The following RAP1GAP variants were observed in gnomAD, a reference collection of about 807,000 sequenced individuals.
RAP1GAP encodes the protein RAP1 GTPase activating protein.
Under a neutral mutation model 87.2 loss-of-function variants are expected in RAP1GAP, and 35 were observed. The ratio of observed to expected loss-of-function variants is 0.40; its 90% CI spans 0.31 to 0.53. The LOEUF (loss-of-function observed/expected upper bound fraction) is 0.53, where lower values mean the gene tolerates loss of function less well. Among genes scored for constraint, RAP1GAP ranks in the 20% least tolerant of loss-of-function variants. The probability of loss-of-function intolerance (pLI) is 0.48; values close to 1 mark genes in which losing one functional copy is unlikely to be tolerated. For missense variants in RAP1GAP, 734 were observed against 898.9 expected (o/e 0.82, Z 2.35); for synonymous variants, 375 against 363.9 (o/e 1.03, Z -0.35).
intron 2 of RAP1GAP, among the ~76,000 whole-genome samples, chr1:21,628,309 T>C (rs2092856738): frequency 6.7e-6 from 1 of 149,418 alleles, no homozygotes; most frequent in Non-Finnish European, 1.5e-5. Context: ...TCCCAGCACT[T>C]TGGGAGGCCA....
chr1:21,646,260 T>C (rs771085268), intron 2 of RAP1GAP, among the ~76,000 whole-genome samples: 2 of 152,172 alleles, frequency 1.3e-5, no homozygotes, highest in Non-Finnish European at 1.5e-5. Context: ...GCAGGACACA[T>C]GGACTGAGCA....
chr1:21,626,908 A>G, intron 2 of RAP1GAP: 1 of 456,806 alleles, frequency 2.2e-6, no homozygotes, highest in Non-Finnish European at 4.4e-6. Context: ...GCCCGAGGGC[A>G]TGGCCTCCTC....
chr1:21,615,557 AATTTTTGT>A lies in RAP1GAP; in HGVS notation c.292-1476_292-1469del, dbSNP rs1391587260. ...CAGGCGCCCAGCACCACACCTGGCT[AATTTTTGT>A]ATTTTTGTTAGAGATGGGGTTCTGC... On this transcript the variant is annotated intron_variant, in intron 7 of 24. Transcript: ENST00000374765. The surrounding 1 kb of genome is among the most constrained non-coding windows in gnomAD (Gnocchi z 4.5). Among the ~76,000 whole-genome samples, 15 of 151,986 alleles carry A rather than the reference AATTTTTGT, an allele frequency of 9.9e-5. No individual in the cohort carries two copies. Among genetic ancestry groups the A allele is most frequent in the Admixed American group, 9.8e-4 (15 of 15,250 alleles).
chr1:21,629,613 G>C (rs924945243), intron 2 of RAP1GAP, among the ~76,000 whole-genome samples: 1 of 152,180 alleles, frequency 6.6e-6, no homozygotes, highest in Admixed American at 6.5e-5. Flanking sequence ...CTCCAGGATG[G>C]GGACAGAGAA....
At chr1:21,655,042 A>C (rs1025535479) in intron 1 of RAP1GAP, among the ~76,000 whole-genome samples, 9 of 151,696 alleles carry the variant, frequency 5.9e-5, no homozygotes, top group African/African-American at 2.2e-4. Context: ...TGGGAGGCTG[A>C]GACAGGAGAA....
In RAP1GAP at chr1:21,608,128, T is replaced by C. The variant is rs930957157; in HGVS notation, c.1296+85A>G. On this transcript the variant is annotated intron_variant, in intron 17 of 24. Coordinates refer to ENST00000374765, the MANE Select transcript of RAP1GAP (RefSeq NM_002885.4). Reference sequence around the variant, plus strand: ...TCTGCCAGACTCCACCCCCACGCCGTGTCCATCAGTCTATCAGCCTCAGCC... The same window carrying C: ...TCTGCCAGACTCCACCCCCACGCCGCGTCCATCAGTCTATCAGCCTCAGCC... 1.1e-5 allele frequency: 17 copies of C among 1,517,330 alleles called. No individual in the cohort carries two copies. In the African/African-American group the frequency reaches 2.4e-4, roughly 21 times the overall value. The allele number at this position is 1,517,330 out of a possible 1,614,324, so 94.0% of individuals were successfully genotyped here.
Position 21,622,296 on chromosome 1 carries a change from GC to G in RAP1GAP, c.-18-2247del. The G allele has an allele frequency of 4.0e-6, 2 of 498,198 alleles. No individual in the cohort carries two copies. 30.9% of individuals were successfully genotyped at this position (498,198 alleles called of 1,614,324 possible). A position where few individuals can be genotyped will look rare whatever the true frequency, so the allele number is the denominator to read the frequency against. ...GCTCCCCAGCAGTCGGGGTGACCCA[GC>G]CCCGGGGTCCCTCCGCCATGCCGCC... On this transcript the variant is annotated intron_variant, in intron 3 of 24. Transcript: ENST00000374765. The surrounding 1 kb of genome is among the most constrained non-coding windows in gnomAD (Gnocchi z 5.7).
intron 16 of RAP1GAP, among the ~76,000 whole-genome samples, 185 bp downstream of exon 16, chr1:21,608,665 G>T (rs1277166784): frequency 6.6e-6 from 1 of 151,088 alleles, no homozygotes; most frequent in Non-Finnish European, 1.5e-5. Flanking sequence ...CATCTCCTGG[G>T]AACTCCTCAG....
intron 2 of RAP1GAP, among the ~76,000 whole-genome samples, chr1:21,648,578 C>A (rs2096287603): frequency 6.6e-6 from 1 of 152,094 alleles, no homozygotes; most frequent in Non-Finnish European, 1.5e-5. Context: ...GCGTCTACTA[C>A]AGTACCCAGT....
intron 17 of RAP1GAP, 33 bp downstream of exon 17, chr1:21,608,161 CCGCCCTAGCCACGTCCCTG>C: frequency 1.3e-6 from 2 of 1,595,942 alleles, no homozygotes; most frequent in Admixed American, 3.4e-5. Context: ...GCCCGGGATT[CCGCCCTAGCCACGTCCCTG>C]CTCCCCGGCC....
At chr1:21,647,930 A>G (rs1413930869) in intron 2 of RAP1GAP, among the ~76,000 whole-genome samples, 1 of 152,194 alleles carries the variant, frequency 6.6e-6, no homozygotes, top group Admixed American at 6.5e-5. Flanking sequence ...TTGATCAGAA[A>G]CACAGAGCAC....
rs1373190406 is a variant in RAP1GAP, at chr1:21,599,603, G to A, written c.1667C>T (p.Ala556Val). Residue 556 changes from alanine to valine, a missense_variant, in exon 21 of 25, where the codon GCG becomes GTG. Coordinates refer to ENST00000374765, the MANE Select transcript of RAP1GAP (RefSeq NM_002885.4). ...GTCCTTGAGCGCCTCTGCTCTCTGCGCTGCGGTCTCCGCTCTGCCACAGAC... is the reference window on the plus strand; with the variant it reads ...GTCCTTGAGCGCCTCTGCTCTCTGCACTGCGGTCTCCGCTCTGCCACAGAC... ...PTTKNRAETA[A>V]QRAEALKDFS... The A allele has an allele frequency of 1.1e-5, 18 of 1,606,340 alleles. No homozygotes were observed. The highest frequency in any genetic ancestry group is 1.7e-5 in the Admixed American group (1 of 59,958).
Position 21,620,060 on chromosome 1 carries a change from A to C in RAP1GAP, c.-18-10T>G, listed in dbSNP as rs765054005. 6.2e-7 allele frequency: 1 copy of C among 1,613,826 alleles called. No homozygotes were observed. Among genetic ancestry groups the C allele is most frequent in the Non-Finnish European group, 8.5e-7 (1 of 1,179,888 alleles). ...CAAATAGATCTGTGTTCTGCAACAGAGACAGGGGAGAGCGAGGTCAGCTGA... is the reference window on the plus strand; with the variant it reads ...CAAATAGATCTGTGTTCTGCAACAGCGACAGGGGAGAGCGAGGTCAGCTGA... On this transcript the variant is annotated splice_polypyrimidine_tract_variant and intron_variant, in intron 3 of 24. Coordinates refer to ENST00000374765, the MANE Select transcript of RAP1GAP (RefSeq NM_002885.4).
At chr1:21,651,837 C>CCG (rs1553492648) in intron 1 of RAP1GAP, 2 of 1,176,030 alleles carry the variant, frequency 1.7e-6, no homozygotes, top group Non-Finnish European at 2.1e-6. Context: ...CCGCCGCCGC[C>CCG]GCCCGGCCCG....
chr1:21,604,657 G>A lies in RAP1GAP; in HGVS notation c.1428+1409C>T, dbSNP rs556811715. Among the ~76,000 whole-genome samples the A allele has an allele frequency of 3.6e-4, 55 of 152,056 alleles. 1 individual carries two copies. The highest frequency in any genetic ancestry group is 6.8e-4 in the Non-Finnish European group (46 of 68,006). Reference sequence around the variant, plus strand: ...TTGGGGGAGGTTGGGCCTGCTCCTCGCATGACAGTGTGCTTGGTGACTGCT... The same window carrying A: ...TTGGGGGAGGTTGGGCCTGCTCCTCACATGACAGTGTGCTTGGTGACTGCT... On this transcript the variant is annotated intron_variant, in intron 18 of 24. Transcript: ENST00000374765.
At chr1:21,604,207 G>A (rs2071939537) in intron 18 of RAP1GAP, among the ~76,000 whole-genome samples, 1 of 151,996 alleles carries the variant, frequency 6.6e-6, no homozygotes, top group African/African-American at 2.4e-5. Context: ...GGGCACAGAG[G>A]GAAATCCAGA....
At chr1:21,618,589 C>T (rs1033289612) in intron 5 of RAP1GAP, among the ~76,000 whole-genome samples, 1 of 149,042 alleles carries the variant, frequency 6.7e-6, no homozygotes, top group Non-Finnish European at 1.5e-5. Flanking sequence ...CCCATCCAGA[C>T]AGCAGCTTAT....
chr1:21,608,332 G>A lies in RAP1GAP; in HGVS notation c.1177C>T (p.Leu393Phe). ...AKLEERTRAALLETLYEELHI... is the reference protein window; with the variant it reads ...AKLEERTRAAFLETLYEELHI... ...AGTTCCTCATAGAGCGTCTCCAGGA[G>A]GGCGGCCCGCGTCCGCTCCTGTGGG... The change falls in exon 17 of 25, where the codon CTC becomes TTC. Residue 393 changes from leucine (L) to phenylalanine (F), a missense_variant. Coordinates refer to ENST00000374765, the MANE Select transcript of RAP1GAP (RefSeq NM_002885.4). 5.0e-6 allele frequency: 8 copies of A among 1,613,376 alleles called. 1 individual carries two copies. Among genetic ancestry groups the A allele is most frequent in the Non-Finnish European group, 6.8e-6 (8 of 1,179,764 alleles).
At position 21,617,436 on chromosome 1, in the gene RAP1GAP, T is replaced by A; in HGVS notation, c.161A>T (p.Tyr54Phe). 6.2e-7 allele frequency: 1 copy of A among 1,606,360 alleles called. No homozygotes were observed. ...TTCGTGGTTGGTGCCCTCAATCCAG[T>A]AGCCCCCAAACTGGGGCAGCAGGAT... ...PLILLPQFGG[Y>F]WIEGTNHEIT... The change falls in exon 7 of 25, where the codon TAC becomes TTC. Residue 54 changes from tyrosine to phenylalanine, a missense_variant. Around this residue, in one of 2 missense-constraint regions of RAP1GAP, gnomAD observed 485 missense variants for 646.2 expected, o/e 0.75. Transcript: ENST00000374765.
Sources: gnomAD v4.1 joint callset for allele counts (sites outside exome capture counted in the v4.1 genomes callset) on GRCh38, gnomAD v4.1.1 for gene constraint, gnomAD v4.1.1 regional missense constraint, Gnocchi (gnomAD v3.1) non-coding constraint, MANE v1.5 for transcripts, NCBI Gene and HGNC (gene_info 2026-07-23, HGNC 2026-07-21) for gene names.